Variants in MAP3K19 observed in about 807,000 individuals in gnomAD.
MAP3K19 encodes the protein mitogen-activated protein kinase kinase kinase 19, also known as SPS1/STE20-related protein kinase YSK4.
Under a neutral mutation model 114.4 loss-of-function variants are expected in MAP3K19, and 91 were observed. The ratio of observed to expected loss-of-function variants is 0.80; its 90% confidence interval spans 0.67 to 0.95. The LOEUF is 0.95. MAP3K19 is among the 40% of genes least tolerant of loss of function. The pLI is 0.00. For missense variants in MAP3K19, 1,471 were observed against 1,573.2 expected (o/e 0.94, Z 1.10); for synonymous variants, 518 against 530.5 (o/e 0.98, Z 0.32).
chr2:134,974,995 G>A (rs539418434), intron 12 of MAP3K19, among the ~76,000 whole-genome samples: 1 of 152,302 alleles, frequency 6.6e-6, no homozygotes, highest in Non-Finnish European at 1.5e-5. Context: ...GATTTCCTCA[G>A]CGGCTAAGTC....
chr2:135,032,770 G>A (rs948292763), intron 2 of MAP3K19, among the ~76,000 whole-genome samples: 2 of 146,976 alleles, frequency 1.4e-5, no homozygotes, highest in African/African-American at 2.5e-5. Context: ...GCCTTCCGCA[G>A]TGTTTGTGTC....
intron 12 of MAP3K19, among the ~76,000 whole-genome samples, chr2:134,977,759 A>T (rs1684349156): frequency 6.6e-6 from 1 of 152,098 alleles, no homozygotes; most frequent in African/African-American, 2.4e-5. Context: ...AGCCTCCCAA[A>T]GTGCTGGGAT....
At chr2:134,990,981 G>T (rs1420459083) in intron 9 of MAP3K19, among the ~76,000 whole-genome samples, 1 of 151,918 alleles carries the variant, frequency 6.6e-6, no homozygotes, top group African/African-American at 2.4e-5. Flanking sequence ...ATTGCTTGAG[G>T]CCAGGAGTTC....
chr2:135,027,335 AAGAAAGAAAGAAAGAG>A (rs1193954602), intron 3 of MAP3K19, among the ~76,000 whole-genome samples: 13 of 145,870 alleles, frequency 8.9e-5, no homozygotes, highest in East Asian at 5.8e-4. Context: ...GAAATAAAGA[AAGAAAGAAAGAAAGAG>A]AGAAAGAAAG....
chr2:135,029,639 A>T (rs1057275002), intron 3 of MAP3K19, among the ~76,000 whole-genome samples: 1 of 152,220 alleles, frequency 6.6e-6, no homozygotes, highest in African/African-American at 2.4e-5. Context: ...GATTAGAAGA[A>T]ACTGTTTCCT....
At chr2:134,989,759 A>T (rs1685424158) in intron 9 of MAP3K19, among the ~76,000 whole-genome samples, 1 of 152,150 alleles carries the variant, frequency 6.6e-6, no homozygotes, top group African/African-American at 2.4e-5. Flanking sequence ...GAATTGCCTA[A>T]TTTCTAAATA....
Position 134,987,505 on chromosome 2 carries a change from G to A in MAP3K19, c.1367C>T (p.Pro456Leu). The change falls in exon 10 of 13, where the codon CCA becomes CTA. Residue 456 changes from proline to leucine, a missense_variant. Physicochemically the swap from Pro to Leu is moderately conservative, Grantham distance 98. Coordinates refer to ENST00000392915, the MANE Select transcript of MAP3K19 (RefSeq NM_025052.5). Reference sequence around the variant, plus strand: ...TGTCTCCATGCTGCTACAACCTTCTGGGAGTTTATCAATGGGGTCATCAAA... The same window carrying A: ...TGTCTCCATGCTGCTACAACCTTCTAGGAGTTTATCAATGGGGTCATCAAA... ...VVFDDPIDKL[P>L]EGCSSMETNI... is the part of the protein sequence containing the mutation. 6.2e-7 allele frequency: 1 copy of A among 1,614,072 alleles called. No individual in the cohort carries two copies. The highest frequency in any genetic ancestry group is 8.5e-7 in the Non-Finnish European group (1 of 1,180,018).
Position 135,005,437 on chromosome 2 carries a change from T to G in MAP3K19, c.233A>C (p.Glu78Ala). 6.2e-7 allele frequency: 1 copy of G among 1,605,754 alleles called. No homozygotes were observed. ...CATCAAGGAGTAAAGCCCAGTACCT[T>G]CTGTCCTGGGTTGCCAGTCCTGTCT... ...GGRQDWQPRTEGVEITVTFPR... is the reference protein window; with the variant it reads ...GGRQDWQPRTAGVEITVTFPR... The change falls in exon 6 of 13, where the codon GAA becomes GCA. Residue 78 changes from glutamate (E) to alanine (A), a missense_variant and splice_region_variant. By Grantham distance (107) the Glu-to-Ala change is moderately radical. Coordinates refer to ENST00000392915, the MANE Select transcript of MAP3K19 (RefSeq NM_025052.5).
chr2:135,034,379 AGATGCTCCTCACTTCCCAGAAGGGGT>A (rs1161932713), intron 2 of MAP3K19, among the ~76,000 whole-genome samples: 1 of 124,312 alleles, frequency 8.0e-6, no homozygotes, highest in Non-Finnish European at 1.6e-5. Flanking sequence ...GGCCAGGCAG[AGATGCTCCTCACTTCCCAGAAGGGGT>A]GGCGGCCGGG....
intron 5 of MAP3K19, among the ~76,000 whole-genome samples, chr2:135,015,330 A>G (rs1168152143): frequency 6.6e-6 from 1 of 152,206 alleles, no homozygotes; most frequent in Non-Finnish European, 1.5e-5. Flanking sequence ...TTTGTTGGCC[A>G]TTTAGACATC....
chr2:135,025,305 T>C (rs1688209127), intron 3 of MAP3K19, among the ~76,000 whole-genome samples: 1 of 151,778 alleles, frequency 6.6e-6, no homozygotes, highest in Non-Finnish European at 1.5e-5. Context: ...TTTTATTTCA[T>C]GGTCTCTTGG....
intron 6 of MAP3K19, among the ~76,000 whole-genome samples, chr2:135,004,665 G>T (rs1686685728): frequency 6.6e-6 from 1 of 152,242 alleles, no homozygotes; most frequent in Non-Finnish European, 1.5e-5. Flanking sequence ...TGGCAACTAT[G>T]CTCTGAGGCG....
intron 5 of MAP3K19, among the ~76,000 whole-genome samples, chr2:135,005,778 G>A (rs942064089): frequency 6.6e-6 from 1 of 152,168 alleles, no homozygotes; most frequent in African/African-American, 2.4e-5. Context: ...TCGACACATA[G>A]AAACTCAGTA....
rs1463157816 is a variant in MAP3K19, at chr2:135,024,686, T to C, written c.-39A>G. 1.9e-6 allele frequency: 3 copies of C among 1,590,892 alleles called. No individual in the cohort carries two copies. The highest frequency in any genetic ancestry group is 1.1e-5 in the South Asian group (1 of 90,314). On this transcript the variant is annotated 5_prime_UTR_variant, in exon 4 of 13. Transcript: ENST00000392915. The stretch of plus-strand genomic sequence containing the variant: ...AGCTGCTGTTTCTTTGAACTCTCTA[T>C]TTGTGACACATAATGTATTGCTGAT...
At chr2:135,003,894 T>C (rs908639214) in intron 6 of MAP3K19, among the ~76,000 whole-genome samples, 46 of 152,336 alleles carry the variant, frequency 3.0e-4, no homozygotes, top group African/African-American at 1.1e-3. Context: ...ATGAATATAA[T>C]GGACAATAAT....
chr2:134,984,538 C>T (rs980487004), intron 10 of MAP3K19, among the ~76,000 whole-genome samples: 1 of 152,140 alleles, frequency 6.6e-6, no homozygotes, highest in Non-Finnish European at 1.5e-5. Flanking sequence ...AAACAGGAAG[C>T]CAGTTTACCA....
chr2:134,997,744 A>G (rs1029330070), intron 8 of MAP3K19, among the ~76,000 whole-genome samples: 4 of 148,524 alleles, frequency 2.7e-5, no homozygotes, highest in African/African-American at 1.0e-4. Flanking sequence ...GCTTGAACCC[A>G]GGAGGCAGAG....
At chr2:134,983,200 C>T (rs374242334) in intron 11 of MAP3K19, 59 of 533,480 alleles carry the variant, frequency 1.1e-4, no homozygotes, top group South Asian at 7.8e-4. Flanking sequence ...CGCCCACCCC[C>T]CAAGATCTCT....
intron 1 of MAP3K19, among the ~76,000 whole-genome samples, chr2:135,046,696 T>C (rs1198778932): frequency 6.6e-6 from 1 of 152,262 alleles, no homozygotes; most frequent in Non-Finnish European, 1.5e-5. Context: ...ATGGTTTATC[T>C]ATTTGTAAAA....
Sources: allele counts gnomAD v4.1 joint callset (sites outside exome capture counted in the v4.1 genomes callset), GRCh38; gene constraint gnomAD v4.1.1; transcripts MANE v1.5; gene names NCBI Gene and HGNC (gene_info 2026-07-23, HGNC 2026-07-21).